Variants in CAMTA1 observed in about 807,000 individuals in gnomAD.
The protein encoded by CAMTA1 is calmodulin binding transcription activator 1, also known as calmodulin-binding transcription activator 1.
A neutral mutation model predicts 170.9 loss-of-function variants in CAMTA1; 27 were observed. The observed-to-expected ratio is 0.16, with a 90% confidence interval of 0.12 to 0.22. The LOEUF is 0.22. Among genes scored for constraint, CAMTA1 ranks in the 10% least tolerant of loss-of-function variants. The probability of loss-of-function intolerance (pLI) is 1.00; values close to 1 mark genes in which losing one functional copy is unlikely to be tolerated. For missense variants in CAMTA1, 1,619 were observed against 2,217.2 expected (o/e 0.73, Z 5.42); for synonymous variants, 833 against 891.5 (o/e 0.93, Z 1.17).
intron 3 of CAMTA1, among the ~76,000 whole-genome samples, chr1:6,919,141 C>T (rs1681451132): frequency 6.6e-6 from 1 of 152,248 alleles, no homozygotes; most frequent in Non-Finnish European, 1.5e-5. Flanking sequence ...GTGAGCCGCC[C>T]TGCCTCTGAC....
At chr1:7,220,602 G>C (rs1660573629) in intron 4 of CAMTA1, among the ~76,000 whole-genome samples, 1 of 152,150 alleles carries the variant, frequency 6.6e-6, no homozygotes, top group Non-Finnish European at 1.5e-5. Context: ...GTGGGTTCCA[G>C]AAAAAGGGAC....
chr1:7,042,612 G>A (rs766060467), intron 3 of CAMTA1, among the ~76,000 whole-genome samples: 5 of 152,202 alleles, frequency 3.3e-5, no homozygotes, highest in South Asian at 2.1e-4. Context: ...CCAGCTGGTC[G>A]GGGGAGGGGG....
chr1:7,060,489 C>A (rs955254621), intron 3 of CAMTA1, among the ~76,000 whole-genome samples: 2 of 152,242 alleles, frequency 1.3e-5, no homozygotes, highest in African/African-American at 4.8e-5. Flanking sequence ...TGCCGAGATG[C>A]TGGGAGTTAG....
At chr1:7,265,332 A>G (rs1668754551) in intron 5 of CAMTA1, among the ~76,000 whole-genome samples, 4 of 152,050 alleles carry the variant, frequency 2.6e-5, no homozygotes, top group Admixed American at 2.6e-4. Flanking sequence ...TATTTGAGAC[A>G]GAGTCTCATC....
At chr1:7,133,343 A>G (rs1645369472) in intron 4 of CAMTA1, among the ~76,000 whole-genome samples, 1 of 152,208 alleles carries the variant, frequency 6.6e-6, no homozygotes, top group Non-Finnish European at 1.5e-5. Context: ...TGTCTATTTA[A>G]GTTATCAAAT....
At chr1:7,522,143 G>A (rs905570395) in intron 6 of CAMTA1, among the ~76,000 whole-genome samples, 1 of 152,054 alleles carries the variant, frequency 6.6e-6, no homozygotes, top group Non-Finnish European at 1.5e-5. Flanking sequence ...GTTTTTTCAC[G>A]GCCTCACCAG....
chr1:6,995,295 C>CTTTTCTTTTTTTTTTTTTTTTTT (rs1697047615), intron 3 of CAMTA1, among the ~76,000 whole-genome samples: 1 of 60,622 alleles, frequency 1.6e-5, no homozygotes, highest in Admixed American at 2.5e-4. Context: ...TTTTTCTTTT[C>CTTTTCTTTTTTTTTTTTTTTTTT]TTTTTTTTTT....
intron 4 of CAMTA1, among the ~76,000 whole-genome samples, chr1:7,243,691 G>C (rs1409812750): frequency 2.0e-5 from 3 of 152,184 alleles, no homozygotes; most frequent in African/African-American, 7.2e-5. Context: ...TTTTGGCTTA[G>C]GATTGACCTG....
At position 7,547,160 on chromosome 1, in the gene CAMTA1, A is replaced by C. The variant is rs1440676437; in HGVS notation, c.510+79259A>C. On this transcript the variant is annotated intron_variant, in intron 6 of 22. Transcript: ENST00000303635. This position sits in a 1 kb window ranked among gnomAD's most constrained non-coding sequence, Gnocchi z 5.7. Reference sequence around the variant, plus strand: ...ATATAAGCCCAATCATTCTTTGAGCACTTCCTTGCTTTCTGAACAAGATGT... The same window carrying C: ...ATATAAGCCCAATCATTCTTTGAGCCCTTCCTTGCTTTCTGAACAAGATGT... 6.6e-6 allele frequency among the ~76,000 whole-genome samples: 1 copy of C among 152,114 alleles called. No homozygotes were observed. Among genetic ancestry groups the C allele is most frequent in the Non-Finnish European group, 1.5e-5 (1 of 68,032 alleles).
intron 5 of CAMTA1, among the ~76,000 whole-genome samples, chr1:7,266,284 C>T (rs1210026589): frequency 6.6e-6 from 1 of 152,286 alleles, no homozygotes; most frequent in African/African-American, 2.4e-5. Context: ...ACTTTGGACA[C>T]CGGTGTGTTC....
At chr1:6,863,777 A>G (rs1371934145) in intron 3 of CAMTA1, among the ~76,000 whole-genome samples, 1 of 152,110 alleles carries the variant, frequency 6.6e-6, no homozygotes, top group African/African-American at 2.4e-5. Context: ...CCAACACATT[A>G]TTTACACTGA....
chr1:7,266,791 G>A (rs561165930), intron 5 of CAMTA1, among the ~76,000 whole-genome samples: 5 of 152,332 alleles, frequency 3.3e-5, no homozygotes, highest in African/African-American at 1.2e-4. Context: ...CTTTCTTGGG[G>A]ACAGGACAGT....
At chr1:7,332,739 C>A (rs1291402995) in intron 5 of CAMTA1, among the ~76,000 whole-genome samples, 2 of 152,172 alleles carry the variant, frequency 1.3e-5, no homozygotes, top group Non-Finnish European at 2.9e-5. Context: ...TGCTGATGAT[C>A]TTTGTGCTGT....
chr1:7,519,555 G>A (rs1167008339), intron 6 of CAMTA1, among the ~76,000 whole-genome samples: 1 of 151,816 alleles, frequency 6.6e-6, no homozygotes, highest in African/African-American at 2.4e-5. Context: ...CCTTGGCCCC[G>A]TCTCACTGAA....
chr1:6,905,544 C>T (rs1269085981), intron 3 of CAMTA1, among the ~76,000 whole-genome samples: 1 of 152,102 alleles, frequency 6.6e-6, no homozygotes, highest in Non-Finnish European at 1.5e-5. Context: ...ACCCCTGCCA[C>T]CAGCCCCGCT....
intron 3 of CAMTA1, among the ~76,000 whole-genome samples, chr1:6,870,040 C>A (rs1175484254): frequency 6.6e-6 from 1 of 152,178 alleles, no homozygotes; most frequent in Non-Finnish European, 1.5e-5. Flanking sequence ...GAAGGAGGTA[C>A]ATAGAGATAA....
intron 3 of CAMTA1, chr1:6,888,187 ACG>A: frequency 2.0e-6 from 2 of 986,248 alleles, no homozygotes; most frequent in Non-Finnish European, 2.4e-6. Flanking sequence ...GTCTAAATAA[ACG>A]CTGTTGAACG....
chr1:6,793,069 T>A (rs1157948106), intron 1 of CAMTA1, among the ~76,000 whole-genome samples: 1 of 151,536 alleles, frequency 6.6e-6, no homozygotes, highest in East Asian at 1.9e-4. Context: ...TACCCCACTC[T>A]TATATATATC....
chr1:7,310,676 CTTTCTCTCTCTCTCTCTCTCTCTCT>C (rs1676480257), intron 5 of CAMTA1, among the ~76,000 whole-genome samples: 4 of 25,524 alleles, frequency 1.6e-4, no homozygotes, highest in African/African-American at 7.5e-4. Context: ...TCTTTCCTTT[CTTTCTCTCTCTCTCTCTCTCTCTCT>C]CTTTCTTTCT....
Sources: allele counts gnomAD v4.1 joint callset (sites outside exome capture counted in the v4.1 genomes callset), GRCh38; gene constraint gnomAD v4.1.1; non-coding constraint Gnocchi (gnomAD v3.1); transcripts MANE v1.5; gene names NCBI Gene and HGNC (gene_info 2026-07-23, HGNC 2026-07-21).